CELF5: variants seen among roughly 807,000 people sequenced by gnomAD.
CELF5 encodes CUGBP Elav-like family member 5, also known as CUG-BP and ETR-3 like factor 5.
Under a neutral mutation model 54.9 loss-of-function variants are expected in CELF5, and 6 were observed. The ratio of observed to expected loss-of-function variants is 0.11; its 90% CI spans 0.06 to 0.22. The LOEUF (loss-of-function observed/expected upper bound fraction) is 0.22, where lower values mean the gene tolerates loss of function less well. Among genes scored for constraint, CELF5 ranks in the 10% least tolerant of loss-of-function variants. CELF5 has a pLI of 1.00. For missense variants in CELF5, 401 were observed against 678.6 expected (o/e 0.59, Z 4.54); for synonymous variants, 271 against 290.9 (o/e 0.93, Z 0.70).
Position 3,282,292 on chromosome 19 carries a change from G to T in CELF5, c.892+25G>T, listed in dbSNP as rs1272100061. The T allele has an allele frequency of 6.2e-7, 1 of 1,610,024 alleles. No individual in the cohort carries two copies. Among genetic ancestry groups the T allele is most frequent in the Non-Finnish European group, 8.5e-7 (1 of 1,179,938 alleles). ...GGTGAGCCTCCTCCAGGCACCCAAG[G>T]ATGGGTGGGCAGGGCTGGAGCCAGA... On this transcript the variant is annotated intron_variant, in intron 7 of 12. Transcript: ENST00000292672. This position sits in a 1 kb window ranked among gnomAD's most constrained non-coding sequence, Gnocchi z 5.2.
intron 2 of CELF5, among the ~76,000 whole-genome samples, chr19:3,263,244 C>T (rs1347783999): frequency 7.0e-5 from 7 of 99,318 alleles, no homozygotes; most frequent in East Asian, 6.3e-4. Context: ...GAGATTCTGT[C>T]TCAAAAAAAA....
chr19:3,250,514 T>C (rs2079634105), intron 1 of CELF5, among the ~76,000 whole-genome samples: 2 of 152,032 alleles, frequency 1.3e-5, no homozygotes, highest in African/African-American at 2.4e-5. Context: ...AAATAAAAAT[T>C]GCACAGCTCA....
chr19:3,264,989 C>T (rs1444545397), intron 2 of CELF5, among the ~76,000 whole-genome samples: 1 of 152,248 alleles, frequency 6.6e-6, no homozygotes, highest in Non-Finnish European at 1.5e-5. Context: ...GCTGGGATTA[C>T]AGGCACGAGC....
intron 2 of CELF5, among the ~76,000 whole-genome samples, chr19:3,259,033 C>T (rs1027431317): frequency 2.0e-5 from 3 of 152,100 alleles, no homozygotes; most frequent in East Asian, 1.9e-4. Flanking sequence ...CCTGCGTGGA[C>T]GATTTAGTGA....
At position 3,286,034 on chromosome 19, in the gene CELF5, G is replaced by A. The variant is rs371173986; in HGVS notation, c.1186+9G>A. The stretch of plus-strand genomic sequence containing the variant: ...GCAGCAGCAGCGAGAAGGTGAGGCG[G>A]CCGCAACCTCCCCTGGGCGCCAGCC... On this transcript the variant is annotated intron_variant, in intron 10 of 12. Transcript: ENST00000292672. 4 of 1,560,864 alleles carry A rather than the reference G, an allele frequency of 2.6e-6. No homozygotes were observed. Among genetic ancestry groups the A allele is most frequent in the South Asian group, 1.2e-5 (1 of 85,382 alleles).
rs2080247068 is a variant in CELF5 at position 3,286,260 on chromosome 19, T to C, written c.1186+235T>C. ...CGCCCCGACCCCGTAGGAATAGCAGTGACTTCCTACCAGCCCTCTCCAGAA... is the reference window on the plus strand; with the variant it reads ...CGCCCCGACCCCGTAGGAATAGCAGCGACTTCCTACCAGCCCTCTCCAGAA... On this transcript the variant is annotated intron_variant, in intron 10 of 12. Coordinates refer to ENST00000292672, the MANE Select transcript of CELF5 (RefSeq NM_021938.4). 3 of 482,738 alleles carry C rather than the reference T, an allele frequency of 6.2e-6. No homozygotes were observed. The East Asian group carries it at 1.1e-4, about 17-fold the overall frequency. 29.9% of individuals were successfully genotyped at this position (482,738 alleles called of 1,614,324 possible).
At chr19:3,254,838 C>A (rs1301031282) in intron 2 of CELF5, among the ~76,000 whole-genome samples, 1 of 152,126 alleles carries the variant, frequency 6.6e-6, no homozygotes, top group African/African-American at 2.4e-5. Flanking sequence ...ATTCATCCAT[C>A]CATCTATCCA....
chr19:3,251,985 C>T, intron 2 of CELF5, among the ~76,000 whole-genome samples: 1 of 151,442 alleles, frequency 6.6e-6, no homozygotes, highest in East Asian at 1.9e-4. Flanking sequence ...AACACAGGGG[C>T]TTCTTCATCA....
At chr19:3,235,617 A>G (rs1325166224) in intron 1 of CELF5, among the ~76,000 whole-genome samples, 72 of 44,538 alleles carry the variant, frequency 1.6e-3, no homozygotes, top group Non-Finnish European at 2.0e-3. Flanking sequence ...TGGGTGGATG[A>G]ATAGGTGGGT....
chr19:3,282,063 C>T lies in CELF5; in HGVS notation c.751-63C>T. 6.3e-7 allele frequency: 1 copy of T among 1,591,400 alleles called. No individual in the cohort carries two copies. Among genetic ancestry groups the T allele is most frequent in the Non-Finnish European group, 8.6e-7 (1 of 1,161,952 alleles). On this transcript the variant is annotated intron_variant, in intron 6 of 12. Transcript: ENST00000292672. This position sits in a 1 kb window ranked among gnomAD's most constrained non-coding sequence, Gnocchi z 5.2. ...CACTAGTAACTGGGGTACCAAGCCT[C>T]CCCTCATAAGCCATGATCTCAGGGC...
chr19:3,263,676 G>A (rs1486712717), intron 2 of CELF5, among the ~76,000 whole-genome samples: 2 of 152,168 alleles, frequency 1.3e-5, no homozygotes, highest in African/African-American at 4.8e-5. Context: ...AGGCTGAGGC[G>A]GGTGGATCAC....
intron 2 of CELF5, among the ~76,000 whole-genome samples, chr19:3,267,088 CAT>C (rs1491571190): frequency 8.2e-4 from 111 of 135,348 alleles, no homozygotes; most frequent in Admixed American, 5.1e-3. Flanking sequence ...TGCGTGTGTG[CAT>C]GTGTGTGTGT....
chr19:3,233,488 G>T (rs1377458892), intron 1 of CELF5, among the ~76,000 whole-genome samples: 2 of 152,142 alleles, frequency 1.3e-5, no homozygotes, highest in Non-Finnish European at 2.9e-5. Flanking sequence ...TTTCCTTGGG[G>T]GCCAGAGATG....
intron 1 of CELF5, among the ~76,000 whole-genome samples, chr19:3,243,627 C>A (rs2079522564): frequency 6.6e-6 from 1 of 152,124 alleles, no homozygotes; most frequent in Non-Finnish European, 1.5e-5. Flanking sequence ...TGATGGGGAA[C>A]TGTACGAGTT....
intron 5 of CELF5, among the ~76,000 whole-genome samples, chr19:3,279,805 C>T (rs2080117587): frequency 6.6e-6 from 1 of 152,120 alleles, no homozygotes. Flanking sequence ...CGAGTTCAAG[C>T]GATTCTTCTG....
chr19:3,279,425 C>T (rs1249602431), intron 5 of CELF5, among the ~76,000 whole-genome samples: 2 of 152,162 alleles, frequency 1.3e-5, no homozygotes, highest in African/African-American at 4.8e-5. Flanking sequence ...TCTCTCAGCT[C>T]TTAAAACCCA....
At chr19:3,242,296 G>A (rs1331238553) in intron 1 of CELF5, among the ~76,000 whole-genome samples, 1 of 152,176 alleles carries the variant, frequency 6.6e-6, no homozygotes, top group Non-Finnish European at 1.5e-5. Flanking sequence ...TGCTTTGGGA[G>A]GCTGAGGCGG....
chr19:3,244,337 T>C (rs1438967631), intron 1 of CELF5, among the ~76,000 whole-genome samples: 1 of 151,792 alleles, frequency 6.6e-6, no homozygotes, highest in Non-Finnish European at 1.5e-5. Context: ...TGTGCATGCA[T>C]TATTGCATTG....
At chr19:3,250,914 C>A in intron 1 of CELF5, 71 bp from the exon 2 acceptor site, 1 of 1,124,698 alleles carries the variant, frequency 8.9e-7, no homozygotes. Context: ...CTAGTGGCCA[C>A]TGTGGGTGGT....
Sources: allele counts gnomAD v4.1 joint callset (sites outside exome capture counted in the v4.1 genomes callset), GRCh38; gene constraint gnomAD v4.1.1; non-coding constraint Gnocchi (gnomAD v3.1); transcripts MANE v1.5; gene names NCBI Gene and HGNC (gene_info 2026-07-23, HGNC 2026-07-21).